PDE4B: variants seen among roughly 807,000 people sequenced by gnomAD.
PDE4B encodes the protein 3',5'-cyclic-AMP phosphodiesterase 4B.
In PDE4B, 20 loss-of-function variants were observed where a neutral mutation model predicts 82.2. The observed-to-expected ratio is 0.24, with a 90% CI of 0.17 to 0.35. The LOEUF (loss-of-function observed/expected upper bound fraction) is 0.35. PDE4B is among the 10% of genes least tolerant of loss of function. The probability of loss-of-function intolerance (pLI) is 1.00; values close to 1 mark genes in which losing one functional copy is unlikely to be tolerated. For missense variants in PDE4B, 655 were observed against 907.2 expected (o/e 0.72, Z 3.57); for synonymous variants, 320 against 318.9 (o/e 1.00, Z -0.04).
chr1:66,355,676 T>A, intron 9 of PDE4B, 56 bp downstream of exon 9: 2 of 1,011,546 alleles, frequency 2.0e-6, no homozygotes. Context: ...AGAATTAATT[T>A]CTACAACCTA....
At chr1:66,167,748 G>A (rs1267131130) in intron 3 of PDE4B, among the ~76,000 whole-genome samples, 1 of 152,138 alleles carries the variant, frequency 6.6e-6, no homozygotes, top group African/African-American at 2.4e-5. Context: ...TCTCCCTGTG[G>A]TTATGGTGGT....
intron 3 of PDE4B, among the ~76,000 whole-genome samples, chr1:66,167,534 G>C (rs1275315014): frequency 6.6e-6 from 1 of 152,144 alleles, no homozygotes; most frequent in Non-Finnish European, 1.5e-5. Flanking sequence ...GATGAACATG[G>C]GGTGATAGTG....
chr1:65,855,567 G>A (rs1436727772), intron 1 of PDE4B, among the ~76,000 whole-genome samples: 1 of 152,090 alleles, frequency 6.6e-6, no homozygotes, highest in Non-Finnish European at 1.5e-5. Context: ...GTGGGCTCTA[G>A]GAATAGTTGA....
At chr1:65,814,294 CTTA>C (rs1645854079) in intron 1 of PDE4B, among the ~76,000 whole-genome samples, 1 of 152,110 alleles carries the variant, frequency 6.6e-6, no homozygotes, top group Non-Finnish European at 1.5e-5. Context: ...GTCACATCAT[CTTA>C]TTATATGTAC....
At chr1:65,876,458 A>G (rs1187842041) in intron 1 of PDE4B, among the ~76,000 whole-genome samples, 4 of 152,130 alleles carry the variant, frequency 2.6e-5, no homozygotes, top group Non-Finnish European at 2.9e-5. Context: ...ACATATGTGT[A>G]TGAAGTTTTA....
At chr1:66,022,215 C>G (rs992776575) in intron 3 of PDE4B, among the ~76,000 whole-genome samples, 1 of 152,154 alleles carries the variant, frequency 6.6e-6, no homozygotes, top group African/African-American at 2.4e-5. Context: ...TGGGCTGAGA[C>G]GATGGGGTTT....
chr1:66,169,058 CCATT>C (rs1341457367), intron 3 of PDE4B, among the ~76,000 whole-genome samples: 2 of 152,328 alleles, frequency 1.3e-5, no homozygotes, highest in Admixed American at 1.3e-4. Context: ...AAAGGGGAGA[CCATT>C]CAAACATGCC....
At position 66,219,063 on chromosome 1, in the gene PDE4B, T is replaced by C. The variant is rs148950812; in HGVS notation, c.282-28397T>C. The stretch of plus-strand genomic sequence containing the variant: ...CAAGTTACCACTCACTTAGGGTATA[T>C]AAATATGTAGGGGTCCCATTCTCAC... On this transcript the variant is annotated intron_variant, in intron 3 of 16. Coordinates refer to ENST00000341517, the MANE Select transcript of PDE4B (RefSeq NM_002600.4). 6.6e-5 allele frequency among the ~76,000 whole-genome samples: 10 copies of C among 152,266 alleles called. No homozygotes were observed. In the East Asian group the frequency reaches 1.5e-3, roughly 23 times the overall value.
At chr1:65,993,936 A>C (rs1454926378) in intron 3 of PDE4B, among the ~76,000 whole-genome samples, 1 of 152,158 alleles carries the variant, frequency 6.6e-6, no homozygotes, top group Non-Finnish European at 1.5e-5. Context: ...TGTAAGGAAA[A>C]AACACGATGA....
rs1345554097 is a variant in PDE4B, at chr1:65,918,942, T to G, written c.281+107T>G. 3 of 703,656 alleles carry G rather than the reference T, an allele frequency of 4.3e-6. No individual in the cohort carries two copies. In the African/African-American group the frequency reaches 5.3e-5, roughly 13 times the overall value. 43.6% of individuals were successfully genotyped at this position (703,656 alleles called of 1,614,324 possible). On this transcript the variant is annotated intron_variant, in intron 3 of 16. Transcript: ENST00000341517. Reference sequence around the variant, plus strand: ...TGAGTTTTCTGTGAAATACCTAAGATGATTGACATTTTGAGAATTCGTTTC... The same window carrying G: ...TGAGTTTTCTGTGAAATACCTAAGAGGATTGACATTTTGAGAATTCGTTTC...
At chr1:65,916,836 C>A (rs1317038463) in intron 2 of PDE4B, among the ~76,000 whole-genome samples, 2 of 152,074 alleles carry the variant, frequency 1.3e-5, no homozygotes, top group East Asian at 3.8e-4. Context: ...AGTTACTAGA[C>A]AGTGAAACAC....
In PDE4B at chr1:65,998,945, C is replaced by T. The variant is rs143520671; in HGVS notation, c.281+80110C>T. Among the ~76,000 whole-genome samples, 7 of 152,100 alleles carry T rather than the reference C, an allele frequency of 4.6e-5. No individual in the cohort carries two copies. The East Asian group carries it at 1.4e-3, about 29-fold the overall frequency. ...GCAGTAGAAATCTATGCCTCATAGC[C>T]TGAGTCTGTTGCTTTAATCAGAGCA... On this transcript the variant is annotated intron_variant, in intron 3 of 16. Coordinates refer to ENST00000341517, the MANE Select transcript of PDE4B (RefSeq NM_002600.4).
chr1:66,066,677 A>T (rs1655865850), intron 3 of PDE4B, among the ~76,000 whole-genome samples: 1 of 151,850 alleles, frequency 6.6e-6, no homozygotes, highest in African/African-American at 2.4e-5. Flanking sequence ...TTTCATGTTC[A>T]TTTCTGCTTT....
chr1:66,092,111 G>A (rs1645037022), intron 3 of PDE4B, among the ~76,000 whole-genome samples: 2 of 151,942 alleles, frequency 1.3e-5, no homozygotes, highest in African/African-American at 4.8e-5. Context: ...TTTTCCAGTG[G>A]AAATCAGAAT....
At chr1:66,010,744 A>G (rs1652436904) in intron 3 of PDE4B, among the ~76,000 whole-genome samples, 1 of 146,810 alleles carries the variant, frequency 6.8e-6, no homozygotes, top group African/African-American at 2.5e-5. Flanking sequence ...ACTCAGCCTC[A>G]TCATCCCCAC....
intron 10 of PDE4B, among the ~76,000 whole-genome samples, chr1:66,362,608 A>G (rs1314433789): frequency 6.6e-6 from 1 of 152,190 alleles, no homozygotes; most frequent in Non-Finnish European, 1.5e-5. Flanking sequence ...GGCCTGAGTG[A>G]TGTTTCTTCC....
At chr1:65,863,451 G>A (rs940273287) in intron 1 of PDE4B, among the ~76,000 whole-genome samples, 2 of 152,282 alleles carry the variant, frequency 1.3e-5, no homozygotes, top group East Asian at 1.9e-4. Flanking sequence ...GAATAAGTGC[G>A]ATGTGTTGCT....
rs1650865087 is a variant in PDE4B, at chr1:65,984,702, C to T, written c.281+65867C>T. Reference sequence around the variant, plus strand: ...CCTGAGAGGTGGAGGTTGCAGTGAGCCGAGATGGTGCCACTGCACTTCCAG... The same window carrying T: ...CCTGAGAGGTGGAGGTTGCAGTGAGTCGAGATGGTGCCACTGCACTTCCAG... On this transcript the variant is annotated intron_variant, in intron 3 of 16. Coordinates refer to ENST00000341517, the MANE Select transcript of PDE4B (RefSeq NM_002600.4). 2.0e-5 allele frequency among the ~76,000 whole-genome samples: 3 copies of T among 152,008 alleles called. No homozygotes were observed. The South Asian group carries it at 6.2e-4, about 32-fold the overall frequency.
intron 7 of PDE4B, among the ~76,000 whole-genome samples, chr1:66,270,757 A>G (rs560538495): frequency 1.0e-3 from 154 of 152,372 alleles, no homozygotes; most frequent in African/African-American, 3.3e-3. Flanking sequence ...ATGATAAAGG[A>G]AAGATTAGAG....
Sources: allele counts gnomAD v4.1 joint callset (sites outside exome capture counted in the v4.1 genomes callset), GRCh38; gene constraint gnomAD v4.1.1; transcripts MANE v1.5; gene names NCBI Gene and HGNC (gene_info 2026-07-23, HGNC 2026-07-21).